SUCLG2: variants seen among roughly 807,000 people sequenced by gnomAD.
SUCLG2 encodes succinate--CoA ligase [GDP-forming] subunit beta, mitochondrial.
SUCLG2 carries 42 observed loss-of-function variants against 47.9 expected under a neutral mutation model. The ratio of observed to expected loss-of-function variants is 0.88; its 90% CI spans 0.69 to 1.14. The LOEUF is 1.14. SUCLG2 is among the 50% of genes most tolerant of loss of function. SUCLG2 has a pLI of 0.00. For synonymous variants in SUCLG2, 195 were observed against 197.3 expected, an observed-to-expected ratio of 0.99 and a Z score of 0.10; for missense variants, 571 against 525.9, an observed-to-expected ratio of 1.09 and a Z score of -0.84.
chr3:67,446,382 A>T, intron 9 of SUCLG2, among the ~76,000 whole-genome samples: 1 of 136,664 alleles, frequency 7.3e-6, no homozygotes, highest in East Asian at 2.1e-4. Context: ...AAAAGAAATT[A>T]GATCTCTCCG....
chr3:67,627,665 C>T (rs1700857664), intron 1 of SUCLG2, among the ~76,000 whole-genome samples: 1 of 152,234 alleles, frequency 6.6e-6, no homozygotes, highest in African/African-American at 2.4e-5. Flanking sequence ...GACTAAAGGG[C>T]TGGCAGATAG....
chr3:67,393,505 A>G (rs1018724248), intron 10 of SUCLG2, among the ~76,000 whole-genome samples: 8 of 152,192 alleles, frequency 5.3e-5, no homozygotes, highest in African/African-American at 1.9e-4. Flanking sequence ...GCTTACGTAA[A>G]CAAAGCAGCC....
At chr3:67,503,433 G>A (rs569665868) in intron 7 of SUCLG2, among the ~76,000 whole-genome samples, 282 of 152,276 alleles carry the variant, frequency 1.9e-3, no homozygotes, top group Middle Eastern at 3.4e-3. Context: ...CCTGTAAGAC[G>A]CTTCTAAATG....
intron 6 of SUCLG2, among the ~76,000 whole-genome samples, chr3:67,511,903 C>T (rs148378525): frequency 6.6e-6 from 1 of 150,634 alleles, no homozygotes; most frequent in Non-Finnish European, 1.5e-5. Flanking sequence ...TAGACTGGAG[C>T]GTACTGGCAT....
intron 1 of SUCLG2, among the ~76,000 whole-genome samples, chr3:67,610,039 T>A (rs944946804): frequency 7.9e-5 from 12 of 152,326 alleles, no homozygotes; most frequent in African/African-American, 2.9e-4. Flanking sequence ...CTCTATTACA[T>A]GGATATGGCT....
chr3:67,439,066 T>C (rs150388572), intron 9 of SUCLG2, among the ~76,000 whole-genome samples: 4,402 of 152,304 alleles, frequency 0.029, 213 homozygotes, highest in African/African-American at 0.1. Flanking sequence ...AACCCTGGGA[T>C]GCAAGGCTGG....
chr3:67,565,388 A>G (rs909835503), intron 2 of SUCLG2, among the ~76,000 whole-genome samples: 2 of 152,216 alleles, frequency 1.3e-5, no homozygotes, highest in African/African-American at 4.8e-5. Flanking sequence ...ATCTATGTGA[A>G]AAGTAGTTAT....
At chr3:67,560,511 C>G (rs1166970088) in intron 2 of SUCLG2, among the ~76,000 whole-genome samples, 1 of 152,208 alleles carries the variant, frequency 6.6e-6, no homozygotes, top group Non-Finnish European at 1.5e-5. Flanking sequence ...AGAGATGTCT[C>G]TAAGCTAGAT....
chr3:67,436,213 A>G (rs1046871882), intron 9 of SUCLG2, among the ~76,000 whole-genome samples: 4 of 152,224 alleles, frequency 2.6e-5, no homozygotes, highest in African/African-American at 9.6e-5. Context: ...ATAATGAATG[A>G]GCAGGAAAAC....
chr3:67,466,268 G>A (rs565457390), intron 9 of SUCLG2, among the ~76,000 whole-genome samples: 1 of 152,302 alleles, frequency 6.6e-6, no homozygotes, highest in African/African-American at 2.4e-5. Flanking sequence ...CAAGATAATT[G>A]CTTGAACCTG....
intron 1 of SUCLG2, among the ~76,000 whole-genome samples, chr3:67,650,754 CA>C (rs55962727): frequency 2.3e-4 from 35 of 150,464 alleles, no homozygotes; most frequent in African/African-American, 8.0e-4. Context: ...GACTCTCTTT[CA>C]AAAAAAAAGT....
At chr3:67,372,217 T>C (rs761079399), downstream of SUCLG2, among the ~76,000 whole-genome samples, 4 of 152,196 alleles carry the variant, frequency 2.6e-5, no homozygotes, top group Non-Finnish European at 4.4e-5. Flanking sequence ...AAAGTTTTAC[T>C]GGACAATAGA....
intron 9 of SUCLG2, among the ~76,000 whole-genome samples, chr3:67,426,600 A>G (rs1703306445): frequency 6.6e-6 from 1 of 152,166 alleles, no homozygotes; most frequent in Middle Eastern, 3.2e-3. Flanking sequence ...TAAATACTTG[A>G]TTCCTTAATA....
At chr3:67,521,621 AAGAC>A (rs1706107113) in intron 4 of SUCLG2, among the ~76,000 whole-genome samples, 1 of 151,950 alleles carries the variant, frequency 6.6e-6, no homozygotes, top group Non-Finnish European at 1.5e-5. Flanking sequence ...TTTTTAAAAA[AAGAC>A]AGAGTCTCAC....
At chr3:67,395,199 A>C (rs1411416748) in intron 10 of SUCLG2, among the ~76,000 whole-genome samples, 2 of 152,084 alleles carry the variant, frequency 1.3e-5, no homozygotes, top group Non-Finnish European at 2.9e-5. Context: ...AAATGGACTA[A>C]ATGCTCCAAT....
intron 6 of SUCLG2, among the ~76,000 whole-genome samples, chr3:67,515,352 A>G (rs1306108770): frequency 6.6e-6 from 1 of 152,106 alleles, no homozygotes; most frequent in East Asian, 1.9e-4. Flanking sequence ...GATAAGGGGG[A>G]ACTACTATAT....
At chr3:67,627,445 T>A (rs1457361627) in intron 1 of SUCLG2, among the ~76,000 whole-genome samples, 1 of 152,178 alleles carries the variant, frequency 6.6e-6, no homozygotes, top group African/African-American at 2.4e-5. Flanking sequence ...ATCTTTGGGA[T>A]TCAATGTAGT....
chr3:67,549,055 A>G (rs1213109883), intron 2 of SUCLG2, among the ~76,000 whole-genome samples: 3 of 152,218 alleles, frequency 2.0e-5, no homozygotes, highest in African/African-American at 4.8e-5. Context: ...CATTATTTAT[A>G]TATAAGTTTT....
intron 1 of SUCLG2, among the ~76,000 whole-genome samples, chr3:67,624,597 A>G (rs921658818): frequency 6.6e-5 from 10 of 152,234 alleles, no homozygotes; most frequent in Admixed American, 4.6e-4. Flanking sequence ...TATAAAAAAG[A>G]AAAACACATG....
Sources: gnomAD v4.1 joint callset for allele counts (sites outside exome capture counted in the v4.1 genomes callset) on GRCh38, gnomAD v4.1.1 for gene constraint, MANE v1.5 for transcripts, NCBI Gene and HGNC (gene_info 2026-07-23, HGNC 2026-07-21) for gene names.